CFAP299: variants seen among roughly 807,000 people sequenced by gnomAD.
CFAP299 encodes cilia and flagella associated protein 299, also known as cilia- and flagella-associated protein 299.
In CFAP299, 21 loss-of-function variants were observed where a neutral mutation model predicts 27.0. That is an observed-to-expected ratio of 0.78 (90% CI 0.55 to 1.12). The LOEUF (loss-of-function observed/expected upper bound fraction) is 1.12, where lower values mean the gene tolerates loss of function less well. Among genes scored for constraint, CFAP299 ranks in the 50% most tolerant of loss-of-function variants. CFAP299 has a pLI of 0.00. For missense variants in CFAP299, 310 were observed against 276.6 expected (o/e 1.12, Z -0.86); for synonymous variants, 104 against 98.1 (o/e 1.06, Z -0.36).
intron 3 of CFAP299, among the ~76,000 whole-genome samples, chr4:80,840,375 A>G (rs1359994717): frequency 1.3e-5 from 2 of 152,168 alleles, no homozygotes; most frequent in Non-Finnish European, 2.9e-5. Flanking sequence ...TTAAACTGAC[A>G]TCAGTGAAAG....
At position 80,437,788 on chromosome 4, in the gene CFAP299, C is replaced by G. The variant is rs537147751; in HGVS notation, c.242+74904C>G. 5.0e-4 allele frequency among the ~76,000 whole-genome samples: 76 copies of G among 152,262 alleles called. 1 individual carries two copies. The highest frequency in any genetic ancestry group is 1.8e-3 in the African/African-American group (73 of 41,544). On this transcript the variant is annotated intron_variant, in intron 2 of 5. Coordinates refer to ENST00000358105, the MANE Select transcript of CFAP299 (RefSeq NM_152770.3). ...GCTTCCCAAACTGGTCCTGCCAAAGCGATTAGTAATATTGTAATTTTTATT... is the reference window on the plus strand; with the variant it reads ...GCTTCCCAAACTGGTCCTGCCAAAGGGATTAGTAATATTGTAATTTTTATT...
intron 3 of CFAP299, among the ~76,000 whole-genome samples, chr4:80,697,957 T>G (rs1182400313): frequency 2.0e-5 from 3 of 152,190 alleles, no homozygotes; most frequent in African/African-American, 7.2e-5. Flanking sequence ...CAAGAATTAA[T>G]CAATCAAACC....
intron 2 of CFAP299, among the ~76,000 whole-genome samples, chr4:80,434,261 G>GA (rs59852200): frequency 0.029 from 4,401 of 152,104 alleles, 227 homozygotes; most frequent in African/African-American, 0.1. Context: ...TAAAATTGTA[G>GA]AAAAAATACT....
At chr4:80,752,544 T>G (rs1404532236) in intron 3 of CFAP299, among the ~76,000 whole-genome samples, 1 of 150,386 alleles carries the variant, frequency 6.6e-6, no homozygotes, top group Non-Finnish European at 1.5e-5. Context: ...ATACTTAAGG[T>G]GTGCTTTTTT....
At chr4:80,562,664 AAT>A (rs2110223497) in intron 2 of CFAP299, among the ~76,000 whole-genome samples, 1 of 135,240 alleles carries the variant, frequency 7.4e-6, no homozygotes, top group Admixed American at 7.1e-5. Flanking sequence ...TTTCAATAAT[AAT>A]AATAATAATA....
chr4:80,523,548 C>T (rs576015494), intron 2 of CFAP299, among the ~76,000 whole-genome samples: 1 of 152,166 alleles, frequency 6.6e-6, no homozygotes, highest in South Asian at 2.1e-4. Flanking sequence ...TCAGTAGACT[C>T]AGTAAGGAAG....
chr4:80,447,728 CG>C (rs1225687290), intron 2 of CFAP299, among the ~76,000 whole-genome samples: 2 of 152,168 alleles, frequency 1.3e-5, no homozygotes, highest in African/African-American at 2.4e-5. Context: ...GCTAAGATTA[CG>C]GGTGTGAGCC....
intron 2 of CFAP299, among the ~76,000 whole-genome samples, chr4:80,494,111 C>T (rs943640542): frequency 6.6e-6 from 1 of 152,164 alleles, no homozygotes; most frequent in African/African-American, 2.4e-5. Flanking sequence ...GAGTGAATCC[C>T]ACCTCCATGC....
chr4:80,949,049 G>A (rs891863307), intron 5 of CFAP299, among the ~76,000 whole-genome samples: 2 of 152,046 alleles, frequency 1.3e-5, no homozygotes, highest in African/African-American at 2.4e-5. Flanking sequence ...ATACCTTCTT[G>A]TGCAGTCCCA....
intron 2 of CFAP299, among the ~76,000 whole-genome samples, chr4:80,429,921 T>C (rs1429526724): frequency 6.6e-6 from 1 of 152,132 alleles, no homozygotes; most frequent in Admixed American, 6.5e-5. Context: ...AAGAGGGCAT[T>C]AGGAGTAAAC....
intron 2 of CFAP299, among the ~76,000 whole-genome samples, chr4:80,382,492 A>G (rs1320408465): frequency 1.3e-5 from 2 of 152,238 alleles, no homozygotes; most frequent in Admixed American, 1.3e-4. Context: ...CAAATTTACA[A>G]GAACAAAACA....
intron 3 of CFAP299, among the ~76,000 whole-genome samples, chr4:80,602,451 T>C (rs1358376985): frequency 6.6e-6 from 1 of 152,148 alleles, no homozygotes; most frequent in Non-Finnish European, 1.5e-5. Context: ...TGGAAAACGA[T>C]GTAATTTTTT....
intron 5 of CFAP299, among the ~76,000 whole-genome samples, chr4:80,962,165 C>A (rs1738376310): frequency 6.6e-6 from 1 of 151,858 alleles, no homozygotes; most frequent in Non-Finnish European, 1.5e-5. Context: ...GGCTGAAGAA[C>A]CTCCAAAATA....
chr4:80,938,443 G>C (rs558603377), intron 4 of CFAP299, among the ~76,000 whole-genome samples: 1 of 152,302 alleles, frequency 6.6e-6, no homozygotes, highest in South Asian at 2.1e-4. Context: ...CAGATAACTA[G>C]CCAAACGCAT....
chr4:80,830,322 C>G (rs548505768), intron 3 of CFAP299, among the ~76,000 whole-genome samples: 1 of 151,990 alleles, frequency 6.6e-6, no homozygotes, highest in African/African-American at 2.4e-5. Flanking sequence ...GAACAGGTCC[C>G]TTTACAAGTC....
Position 80,876,811 on chromosome 4 carries a change from A to AT in CFAP299, c.476+6685dup, listed in dbSNP as rs201032516. On this transcript the variant is annotated intron_variant, in intron 4 of 5. Coordinates refer to ENST00000358105, the MANE Select transcript of CFAP299 (RefSeq NM_152770.3). The stretch of plus-strand genomic sequence containing the variant: ...CATATCCCAATCCTTCCCAGGTCAT[A>AT]TTTTTTTTTGTCAGAAGTGTGTCTC... Among the ~76,000 whole-genome samples, 628 of 150,880 alleles carry AT rather than the reference A, an allele frequency of 4.2e-3. 1 individual carries two copies. The highest frequency in any genetic ancestry group is 0.017 in the Middle Eastern group (5 of 292).
intron 4 of CFAP299, among the ~76,000 whole-genome samples, chr4:80,880,678 A>T (rs1354544903): frequency 1.3e-5 from 2 of 152,168 alleles, no homozygotes; most frequent in Non-Finnish European, 1.5e-5. Flanking sequence ...GTGCGCCAAG[A>T]TCACACCACC....
chr4:80,678,283 G>A (rs11733929), intron 3 of CFAP299, among the ~76,000 whole-genome samples: 6 of 151,816 alleles, frequency 4.0e-5, no homozygotes, highest in Non-Finnish European at 7.4e-5. Context: ...AGAAATACCC[G>A]TTTAAATTTG....
rs910965382 is a variant in CFAP299 at position 80,943,421 on chromosome 4, C to A, written c.477-1389C>A. Among the ~76,000 whole-genome samples, 3 of 151,914 alleles carry A rather than the reference C, an allele frequency of 2.0e-5. No homozygotes were observed. The South Asian group carries it at 6.2e-4, about 32-fold the overall frequency. The stretch of plus-strand genomic sequence containing the variant: ...AACAATATAATTCAGTAAGTTTAAA[C>A]AATGAAACTTTCTATTTTCAAAAAA... On this transcript the variant is annotated intron_variant, in intron 4 of 5. Coordinates refer to ENST00000358105, the MANE Select transcript of CFAP299 (RefSeq NM_152770.3).
Sources: gnomAD v4.1 joint callset for allele counts (sites outside exome capture counted in the v4.1 genomes callset) on GRCh38, gnomAD v4.1.1 for gene constraint, MANE v1.5 for transcripts, NCBI Gene and HGNC (gene_info 2026-07-23, HGNC 2026-07-21) for gene names.